The following BORCS5 variants were observed in gnomAD, a reference collection of about 807,000 sequenced individuals.
The protein encoded by BORCS5 is BLOC-1-related complex subunit 5.
A neutral mutation model predicts 22.1 loss-of-function variants in BORCS5; 17 were observed. The ratio of observed to expected loss-of-function variants is 0.77; its 90% confidence interval spans 0.53 to 1.15. The LOEUF (loss-of-function observed/expected upper bound fraction) is 1.15, where lower values mean the gene tolerates loss of function less well. Ranked by LOEUF, BORCS5 falls within the 50% of genes most tolerant of loss-of-function variation. The pLI is 0.00. For missense variants in BORCS5, 247 were observed against 253.2 expected (o/e 0.98, Z 0.17); for synonymous variants, 117 against 99.8 (o/e 1.17, Z -1.03).
chr12:12,357,262 G>A lies in BORCS5; in HGVS notation c.-190G>A. The A allele has an allele frequency of 6.8e-7, 1 of 1,461,838 alleles. No homozygotes were observed. The highest frequency in any genetic ancestry group is 2.5e-5 in the East Asian group (1 of 40,078). 90.6% of individuals were successfully genotyped at this position (1,461,838 alleles called of 1,614,324 possible). A position where few individuals can be genotyped will look rare whatever the true frequency, so the allele number is the denominator to read the frequency against. On this transcript the variant is annotated 5_prime_UTR_variant, in exon 1 of 4. Coordinates refer to ENST00000314565, the MANE Select transcript of BORCS5 (RefSeq NM_058169.6). ...CCTTGCGTTTCTGTTCCCCAAATAG[G>A]GCCTCTCCTTCTCCCGCCGCCCAGG...
rs768311495 is a variant in BORCS5, at chr12:12,468,738, A to T, written c.*2962A>T. On this transcript the variant is annotated 3_prime_UTR_variant, in exon 4 of 4. Coordinates refer to ENST00000314565, the MANE Select transcript of BORCS5 (RefSeq NM_058169.6). ...CTTCTTTCTAGAGCCTGTTTTGCTTATCTTGCAATCTGTTCATTTCTGTTG... is the reference window on the plus strand; with the variant it reads ...CTTCTTTCTAGAGCCTGTTTTGCTTTTCTTGCAATCTGTTCATTTCTGTTG... The T allele has an allele frequency of 6.6e-6, 1 of 152,156 alleles. No individual in the cohort carries two copies. Among genetic ancestry groups the T allele is most frequent in the South Asian group, 2.1e-4 (1 of 4,830 alleles). The allele number at this position is 152,156 out of a possible 1,614,324, so 9.4% of individuals were successfully genotyped here.
At chr12:12,362,673 T>C (rs1863316424) in intron 2 of BORCS5, among the ~76,000 whole-genome samples, 1 of 145,060 alleles carries the variant, frequency 6.9e-6, no homozygotes, top group Non-Finnish European at 1.5e-5. Flanking sequence ...AGAGTTTTGC[T>C]CTGTCACCCA....
chr12:12,465,670 G>A lies in BORCS5; in HGVS notation c.485G>A (p.Gly162Asp), dbSNP rs150829239. The change falls in exon 4 of 4, where the codon GGC (glycine) becomes GAC (aspartate). Residue 162 changes from glycine to aspartate, a missense_variant. Transcript: ENST00000314565. ...MSAILRRIQMGIDQTVPLLDR... is the reference protein window; with the variant it reads ...MSAILRRIQMDIDQTVPLLDR... ...GCCATCCTCCGCCGCATACAGATGG[G>A]CATCGACCAGACTGTGCCCCTGCTG... is the stretch of plus-strand genomic sequence containing the variant. The A allele has an allele frequency of 2.5e-6, 4 of 1,614,132 alleles. No homozygotes were observed. Among genetic ancestry groups the A allele is most frequent in the Non-Finnish European group, 3.4e-6 (4 of 1,180,060 alleles).
At chr12:12,448,592 G>C (rs372072222) in intron 3 of BORCS5, among the ~76,000 whole-genome samples, 1 of 149,606 alleles carries the variant, frequency 6.7e-6, no homozygotes, top group African/African-American at 2.5e-5. Context: ...ATGCAGTGGC[G>C]ATCTCGGCTA....
chr12:12,415,373 C>A (rs1217223894), intron 2 of BORCS5, among the ~76,000 whole-genome samples: 2 of 151,436 alleles, frequency 1.3e-5, no homozygotes, highest in Non-Finnish European at 3.0e-5. Context: ...ACAGCAAAAC[C>A]CCGTCTCCAC....
chr12:12,365,368 CAG>C (rs1863383847), intron 2 of BORCS5, among the ~76,000 whole-genome samples: 2 of 147,768 alleles, frequency 1.4e-5, no homozygotes. Context: ...TTTGTAGAGA[CAG>C]GGTTTCACTA....
chr12:12,438,382 G>GAAAAAAAAAAAAAAAAAAAAAAAAAAAA (rs1565915767), intron 3 of BORCS5, among the ~76,000 whole-genome samples: 6 of 106,976 alleles, frequency 5.6e-5, no homozygotes, highest in African/African-American at 2.8e-4. Flanking sequence ...AAAAAAAAAC[G>GAAAAAAAAAAAAAAAAAAAAAAAAAAAA]AAAAACAACA....
chr12:12,432,692 TAAA>T (rs1942459068), intron 2 of BORCS5, among the ~76,000 whole-genome samples: 1 of 152,034 alleles, frequency 6.6e-6, no homozygotes, highest in Non-Finnish European at 1.5e-5. Context: ...TACTCAGAAA[TAAA>T]AAAAGAATTA....
chr12:12,385,274 G>A (rs1168147311), intron 2 of BORCS5, among the ~76,000 whole-genome samples: 1 of 151,360 alleles, frequency 6.6e-6, no homozygotes, highest in Non-Finnish European at 1.5e-5. Context: ...TGTTAGTATA[G>A]CTTTTGGCAC....
At chr12:12,386,735 G>T (rs1863892085) in intron 2 of BORCS5, among the ~76,000 whole-genome samples, 1 of 151,164 alleles carries the variant, frequency 6.6e-6, no homozygotes, top group Admixed American at 6.6e-5. Context: ...CTCCCAAAGT[G>T]CTGGGATTAC....
intron 2 of BORCS5, among the ~76,000 whole-genome samples, chr12:12,377,168 A>T (rs1199309068): frequency 5.4e-5 from 8 of 148,132 alleles, no homozygotes; most frequent in African/African-American, 2.0e-4. Flanking sequence ...AAGAGTTGAG[A>T]TTTTGTCCTT....
rs888201 is a variant in BORCS5 at position 12,467,544 on chromosome 12, C to T, written c.*1768C>T. On this transcript the variant is annotated 3_prime_UTR_variant, in exon 4 of 4. Transcript: ENST00000314565. The stretch of plus-strand genomic sequence containing the variant: ...AGACAAAACATGGGGTTCACTTAGA[C>T]TGGGGTCCTGAGTAGGTGATAGGCT... The T allele has an allele frequency of 0.93, 141,553 of 152,278 alleles. 66,378 individuals are homozygous for T. Among genetic ancestry groups the T allele is most frequent in the Non-Finnish European group, 0.99 (67,125 of 68,038 alleles). 9.4% of individuals were successfully genotyped at this position (152,278 alleles called of 1,614,324 possible).
intron 2 of BORCS5, among the ~76,000 whole-genome samples, chr12:12,416,948 C>T (rs1204174763): frequency 6.6e-6 from 1 of 150,546 alleles, no homozygotes; most frequent in Non-Finnish European, 1.5e-5. Flanking sequence ...TGCCTGGCTA[C>T]TTTTTGTATT....
At chr12:12,429,424 T>A (rs979076671) in intron 2 of BORCS5, among the ~76,000 whole-genome samples, 1 of 152,198 alleles carries the variant, frequency 6.6e-6, no homozygotes, top group Non-Finnish European at 1.5e-5. Context: ...CTCTGTCCTG[T>A]CTTGCTCCTG....
intron 3 of BORCS5, among the ~76,000 whole-genome samples, chr12:12,448,140 G>C (rs894720033): frequency 2.0e-5 from 3 of 152,166 alleles, no homozygotes; most frequent in African/African-American, 4.8e-5. Flanking sequence ...CAGAGCTAAC[G>C]TCCACCTTCG....
Position 12,465,644 on chromosome 12 carries a change from C to T in BORCS5, c.459C>T (p.Ser153=), listed in dbSNP as rs749761852. Residue 153 remains serine (S), a synonymous_variant, in exon 4 of 4, where the codon TCC becomes TCT. Transcript: ENST00000314565. ...AEQIQKVNEM[S]AILRRIQMGI... The stretch of plus-strand genomic sequence containing the variant: ...AGATCCAGAAAGTGAACGAGATGTC[C>T]GCCATCCTCCGCCGCATACAGATGG... 8.1e-6 allele frequency: 13 copies of T among 1,614,104 alleles called. No individual in the cohort carries two copies. Among genetic ancestry groups the T allele is most frequent in the East Asian group, 2.2e-5 (1 of 44,900 alleles).
rs1943047822 is a variant in BORCS5 at position 12,458,835 on chromosome 12, G to A, written c.361-6711G>A. ...AAAGTACAAAAAATTAGCTGGGCAT[G>A]GTAGCACACGCCTGTAATCCCAGCT... On this transcript the variant is annotated intron_variant, in intron 3 of 3. Transcript: ENST00000314565. Among the ~76,000 whole-genome samples, 3 of 151,336 alleles carry A rather than the reference G, an allele frequency of 2.0e-5. No homozygotes were observed. In the South Asian group the frequency reaches 6.3e-4, roughly 32 times the overall value.
chr12:12,394,386 G>T (rs894521370), intron 2 of BORCS5, among the ~76,000 whole-genome samples: 1 of 151,922 alleles, frequency 6.6e-6, no homozygotes, highest in Non-Finnish European at 1.5e-5. Context: ...AGGGCTTCCT[G>T]TTATTAAAAT....
intron 2 of BORCS5, among the ~76,000 whole-genome samples, chr12:12,371,397 ATCC>A (rs981687729): frequency 7.9e-5 from 12 of 152,124 alleles, no homozygotes; most frequent in Admixed American, 2.6e-4. Flanking sequence ...GGCTCAAGGA[ATCC>A]TCCTACCTCA....
Sources: gnomAD v4.1 joint callset for allele counts (sites outside exome capture counted in the v4.1 genomes callset) on GRCh38, gnomAD v4.1.1 for gene constraint, MANE v1.5 for transcripts, NCBI Gene and HGNC (gene_info 2026-07-23, HGNC 2026-07-21) for gene names.